Variants in MUC5AC observed in about 807,000 individuals in gnomAD.
The protein encoded by MUC5AC is mucin 5AC, oligomeric mucus/gel-forming.
MUC5AC carries 158 observed loss-of-function variants against 169.7 expected under a neutral mutation model. The ratio of observed to expected loss-of-function variants is 0.93; its 90% CI spans 0.82 to 1.06. MUC5AC has a LOEUF of 1.06. Ranked by LOEUF, MUC5AC falls within the 50% of genes least tolerant of loss-of-function variation. The pLI is 0.00. For missense variants in MUC5AC, 4,359 were observed against 3,089.9 expected (o/e 1.41, Z -9.74); for synonymous variants, 1,975 against 1,237.0 (o/e 1.60, Z -12.52).
Position 1,185,979 on chromosome 11 carries a change from A to G in MUC5AC, c.7834A>G (p.Thr2612Ala). 1 of 731,638 alleles carries G rather than the reference A, an allele frequency of 1.4e-6. No individual in the cohort carries two copies. The highest frequency in any genetic ancestry group is 2.5e-6 in the Non-Finnish European group (1 of 400,744). 45.3% of individuals were successfully genotyped at this position (731,638 alleles called of 1,614,324 possible). Residue 2612 changes from threonine to alanine, a missense_variant, in exon 31 of 49, where the codon ACA (threonine) becomes GCA (alanine). By Grantham distance (58) the Thr-to-Ala change is moderately conservative. Transcript: ENST00000621226. ...TSITSAPTTS[T>A]NSAPISSTTS... The stretch of plus-strand genomic sequence containing the variant: ...CATAACCTCTGCACCTACAACCAGC[A>G]CAAACTCTGCCCCTATAAGCAGCAC...
Position 1,186,612 on chromosome 11 carries a change from G to A in MUC5AC, c.8467G>A (p.Ala2823Thr), listed in dbSNP as rs1860953207. ...CACACCACAGACCAGCACAACTTCG[G>A]CTCCTACAACCAGCACAACTTCTGG... ...TSTPQTSTTS[A>T]PTTSTTSGPG... The change falls in exon 31 of 49, where the codon GCT becomes ACT. Residue 2823 changes from alanine to threonine, a missense_variant. Transcript: ENST00000621226. 5.6e-6 allele frequency: 4 copies of A among 718,660 alleles called. No homozygotes were observed. Among genetic ancestry groups the A allele is most frequent in the Non-Finnish European group, 7.6e-6 (3 of 394,574 alleles). The allele number at this position is 718,660 out of a possible 1,614,324, so 44.5% of individuals were successfully genotyped here.
In MUC5AC at chr11:1,189,205, G is replaced by T; in HGVS notation, c.11060G>T (p.Ser3687Ile). The T allele has an allele frequency of 1.7e-6, 1 of 597,932 alleles. No individual in the cohort carries two copies. Among genetic ancestry groups the T allele is most frequent in the Non-Finnish European group, 3.0e-6 (1 of 335,692 alleles). 37.0% of individuals were successfully genotyped at this position (597,932 alleles called of 1,614,324 possible). A position where few individuals can be genotyped will look rare whatever the true frequency, so the allele number is the denominator to read the frequency against. The stretch of plus-strand genomic sequence containing the variant: ...AGCACAACCCCTGCTTCTATACCCA[G>T]CACAACCTCTGCCCCAACAACCAGC... ...TTSTTPASIPSTTSAPTTSTT... is the reference protein window; with the variant it reads ...TTSTTPASIPITTSAPTTSTT... The change falls in exon 31 of 49, where the codon AGC becomes ATC. Residue 3687 changes from serine to isoleucine, a missense_variant. Coordinates refer to ENST00000621226, the MANE Select transcript of MUC5AC (RefSeq NM_001304359.2).
chr11:1,165,093 C>T (rs1313145782), intron 9 of MUC5AC, among the ~76,000 whole-genome samples: 15 of 149,020 alleles, frequency 1.0e-4, no homozygotes, highest in Non-Finnish European at 2.1e-4. Context: ...TGTCCTGGCC[C>T]CCTGAGGCTG....
Position 1,186,567 on chromosome 11 carries a change from C to G in MUC5AC, c.8422C>G (p.Pro2808Ala). Reference sequence around the variant, plus strand: ...TACTATAACCAGCACAACTTCTGCCCCTATAAGCAGCACAACTTCCACACC... The same window carrying G: ...TACTATAACCAGCACAACTTCTGCCGCTATAAGCAGCACAACTTCCACACC... The part of the protein sequence containing the change: ...STTITSTTSA[P>A]ISSTTSTPQT... Residue 2808 changes from proline (P) to alanine (A), a missense_variant, in exon 31 of 49, where the codon CCT (proline) becomes GCT (alanine). By Grantham distance (27) the Pro-to-Ala change is conservative. Transcript: ENST00000621226. The G allele has an allele frequency of 2.8e-6, 2 of 704,140 alleles. No individual in the cohort carries two copies. The highest frequency in any genetic ancestry group is 5.2e-6 in the Non-Finnish European group (2 of 385,864). The allele number at this position is 704,140 out of a possible 1,614,324, so 43.6% of individuals were successfully genotyped here.
At chr11:1,193,187 G>A (rs539178359) in intron 32 of MUC5AC, among the ~76,000 whole-genome samples, 1 of 152,362 alleles carries the variant, frequency 6.6e-6, no homozygotes, top group Admixed American at 6.5e-5. Flanking sequence ...CAGACACTGG[G>A]TGTGTGGGGC....
intron 15 of MUC5AC, among the ~76,000 whole-genome samples, chr11:1,171,997 C>T (rs1031779947): frequency 2.0e-5 from 3 of 152,090 alleles, no homozygotes; most frequent in Non-Finnish European, 4.4e-5. Flanking sequence ...TCATTCACTT[C>T]GCCTTCAGAG....
At chr11:1,197,114 G>A (rs1055433954) in intron 40 of MUC5AC, among the ~76,000 whole-genome samples, 5 of 152,216 alleles carry the variant, frequency 3.3e-5, no homozygotes, top group Admixed American at 6.5e-5. Context: ...CACTCTGTCC[G>A]TATTGGGGAC....
At chr11:1,158,196 G>C in intron 1 of MUC5AC, 124 bp downstream of exon 1, 1 of 846,702 alleles carries the variant, frequency 1.2e-6, no homozygotes, top group Non-Finnish European at 1.8e-6. Flanking sequence ...GCTCCCAGCA[G>C]CATAGCCCCT....
intron 28 of MUC5AC, 86 bp downstream of exon 28, chr11:1,180,602 G>A (rs1400455578): frequency 5.0e-6 from 2 of 398,564 alleles, no homozygotes; most frequent in South Asian, 1.3e-4. Context: ...GGCTGGGAGC[G>A]GCAGGGCTGG....
At chr11:1,176,459 C>G (rs1161757158) in intron 20 of MUC5AC, 55 bp from the exon 21 acceptor site, 1 of 398,784 alleles carries the variant, frequency 2.5e-6, no homozygotes, top group African/African-American at 2.1e-5. Context: ...CCTGGGAGGA[C>G]CTGGCAGGCC....
In MUC5AC at chr11:1,196,917, A is replaced by C. The variant is rs28515631; in HGVS notation, c.15861+9A>C. On this transcript the variant is annotated intron_variant, in intron 40 of 48. Coordinates refer to ENST00000621226, the MANE Select transcript of MUC5AC (RefSeq NM_001304359.2). ...ACGGAGAGCCGGTGAAGGTGAGTGG[A>C]AGGCATGGCCCAAGAGGGCACTGGG... The C allele has an allele frequency of 0.57, 437,310 of 761,062 alleles. 127,998 individuals are homozygous for C. The highest frequency in any genetic ancestry group is 0.66 in the East Asian group (26,967 of 41,090). The allele number at this position is 761,062 out of a possible 1,614,324, so 47.1% of individuals were successfully genotyped here.
rs1860783825 is a variant in MUC5AC, at chr11:1,180,190, G to A, written c.3613+40G>A. ...GTCGGAGGGTGGCCTGGGCTCCGCC[G>A]CCTGTGGCCTTCTCCTGGCCCCTCG... On this transcript the variant is annotated intron_variant, in intron 27 of 48. Transcript: ENST00000621226. 1.5e-5 allele frequency: 6 copies of A among 398,162 alleles called. No individual in the cohort carries two copies. In the South Asian group the frequency reaches 3.8e-4, roughly 25 times the overall value. The allele number at this position is 398,162 out of a possible 1,614,324, so 24.7% of individuals were successfully genotyped here. A position where few individuals can be genotyped will look rare whatever the true frequency, so the allele number is the denominator to read the frequency against.
rs1860867737 is a variant in MUC5AC, at chr11:1,183,891, C to A, written c.5746C>A (p.Pro1916Thr). ...VKKTFSTPSP[P>T]PVPATSTSSM... is the part of the protein sequence containing the mutation. ...AAAAACTTTCTCAACTCCCAGCCCTCCGCCAGTGCCGGCAACATCAACATC... is the reference window on the plus strand; with the variant it reads ...AAAAACTTTCTCAACTCCCAGCCCTACGCCAGTGCCGGCAACATCAACATC... Residue 1916 changes from proline (P) to threonine (T), a missense_variant, in exon 31 of 49, where the codon CCG (proline) becomes ACG (threonine). Physicochemically the swap from Pro to Thr is conservative, Grantham distance 38 (BLOSUM62 -1). Coordinates refer to ENST00000621226, the MANE Select transcript of MUC5AC (RefSeq NM_001304359.2). 1 of 402,326 alleles carries A rather than the reference C, an allele frequency of 2.5e-6. No homozygotes were observed. Among genetic ancestry groups the A allele is most frequent in the South Asian group, 1.2e-4 (1 of 8,224 alleles). The allele number at this position is 402,326 out of a possible 1,614,324, so 24.9% of individuals were successfully genotyped here.
intron 37 of MUC5AC, 83 bp downstream of exon 37, chr11:1,196,137 G>A: frequency 3.1e-6 from 2 of 652,088 alleles, no homozygotes; most frequent in Non-Finnish European, 2.8e-6. Flanking sequence ...GGTGGGCTCG[G>A]GCAGTCAGGG....
rs1337650613 is a variant in MUC5AC at position 1,184,399 on chromosome 11, C to A, written c.6254C>A (p.Ala2085Asp). The change falls in exon 31 of 49, where the codon GCC becomes GAC. Residue 2085 changes from alanine to aspartate, a missense_variant. Ala to Asp is a moderately radical substitution (Grantham distance 126, BLOSUM62 -2). Coordinates refer to ENST00000621226, the MANE Select transcript of MUC5AC (RefSeq NM_001304359.2). ...QTTFTTHMPS[A>D]STEQPTATSR... ...ACCTTCACCACACACATGCCCTCGG[C>A]CTCCACAGAGCAACCCACGGCAACC... is the stretch of plus-strand genomic sequence containing the variant. 3.8e-6 allele frequency: 2 copies of A among 521,892 alleles called. No homozygotes were observed. The highest frequency in any genetic ancestry group is 6.8e-6 in the Non-Finnish European group (2 of 295,004). The allele number at this position is 521,892 out of a possible 1,614,324, so 32.3% of individuals were successfully genotyped here. A position where few individuals can be genotyped will look rare whatever the true frequency, so the allele number is the denominator to read the frequency against.
In MUC5AC at chr11:1,164,117, G is replaced by A; in HGVS notation, c.801G>A (p.Glu267=). Residue 267 remains glutamate (E), a synonymous_variant, in exon 8 of 49, where the codon GAG becomes GAA. Coordinates refer to ENST00000621226, the MANE Select transcript of MUC5AC (RefSeq NM_001304359.2). ...GGCCTTTGTCCTAGGGCATCTGTGA[G>A]GAGCTCCTGCACGGCCAGCTGTTCT... ...RNCSTGFGIC[E]ELLHGQLFSG... 1.2e-6 allele frequency: 2 copies of A among 1,612,144 alleles called. No individual in the cohort carries two copies. The highest frequency in any genetic ancestry group is 1.1e-5 in the South Asian group (1 of 91,078).
At chr11:1,162,796 C>A in intron 5 of MUC5AC, 150 bp downstream of exon 5, 1 of 1,000,272 alleles carries the variant, frequency 1.0e-6, no homozygotes, top group Non-Finnish European at 1.5e-6. Flanking sequence ...GGTGCCCAGA[C>A]ACCAATGGTG....
At chr11:1,181,811 G>T (rs1242331912) in intron 30 of MUC5AC, among the ~76,000 whole-genome samples, 2 of 152,164 alleles carry the variant, frequency 1.3e-5, no homozygotes, top group African/African-American at 4.8e-5. Flanking sequence ...CAGGGCTCAG[G>T]TACCCCCATG....
intron 15 of MUC5AC, among the ~76,000 whole-genome samples, chr11:1,171,572 CTTACCCAT>C (rs1860538829): frequency 7.8e-6 from 1 of 128,622 alleles, no homozygotes; most frequent in African/African-American, 2.9e-5. Context: ...CACCCACTCA[CTTACCCAT>C]TCACCCACTC....
Sources: allele counts gnomAD v4.1 joint callset (sites outside exome capture counted in the v4.1 genomes callset), GRCh38; gene constraint gnomAD v4.1.1; transcripts MANE v1.5; gene names NCBI Gene and HGNC (gene_info 2026-07-23, HGNC 2026-07-21).